The following SLC36A1 variants were observed in gnomAD, a reference collection of about 807,000 sequenced individuals.
SLC36A1 encodes the protein solute carrier family 36 member 1, also known as proton-coupled amino acid transporter 1.
Under a neutral mutation model 47.5 loss-of-function variants are expected in SLC36A1, and 30 were observed. The ratio of observed to expected loss-of-function variants is 0.63; its 90% CI spans 0.47 to 0.86. SLC36A1 has a LOEUF of 0.86. Among genes scored for constraint, SLC36A1 ranks in the 40% least tolerant of loss-of-function variants. SLC36A1 has a pLI of 0.00. For synonymous variants in SLC36A1, 255 were observed against 249.7 expected, an observed-to-expected ratio of 1.02 and a Z score of -0.20; for missense variants, 517 against 606.0, an observed-to-expected ratio of 0.85 and a Z score of 1.54.
the SLC36A1 span, among the ~76,000 whole-genome samples, chr5:151,514,278 T>C: frequency 1.3e-5 from 2 of 152,186 alleles, no homozygotes; most frequent in African/African-American, 4.8e-5. Context: ...AATGAAATCA[T>C]TTCTTTTTAT....
At chr5:151,463,986 A>G (rs1291070304) in intron 3 of SLC36A1, among the ~76,000 whole-genome samples, 1 of 152,232 alleles carries the variant, frequency 6.6e-6, no homozygotes, top group Non-Finnish European at 1.5e-5. Flanking sequence ...CCCATTTTCT[A>G]CAGTCTCCCA....
the SLC36A1 span, among the ~76,000 whole-genome samples, chr5:151,528,341 T>G: frequency 6.6e-6 from 1 of 152,198 alleles, no homozygotes; most frequent in Admixed American, 6.5e-5. Context: ...CACCATTCAC[T>G]CTTGCTAACA....
the SLC36A1 span, among the ~76,000 whole-genome samples, chr5:151,397,679 G>C: frequency 7.0e-6 from 1 of 143,752 alleles, no homozygotes; most frequent in Non-Finnish European, 1.5e-5. Context: ...CGGGAGAATC[G>C]CTTGAATCCG....
At chr5:151,508,337 A>G in the SLC36A1 span, among the ~76,000 whole-genome samples, 2 of 152,212 alleles carry the variant, frequency 1.3e-5, no homozygotes, top group Non-Finnish European at 1.5e-5. Context: ...CAGCTGTGAA[A>G]TGTCCTCCCA....
At chr5:151,465,778 C>T (rs1354801929) in intron 5 of SLC36A1, among the ~76,000 whole-genome samples, 2 of 152,210 alleles carry the variant, frequency 1.3e-5, no homozygotes, top group East Asian at 1.9e-4. Flanking sequence ...AAGAAGGCTT[C>T]AGGAGAAGGT....
upstream of SLC36A1, among the ~76,000 whole-genome samples, chr5:151,436,281 T>C (rs73796580): frequency 0.032 from 4,924 of 152,224 alleles, 263 homozygotes; most frequent in African/African-American, 0.11. Flanking sequence ...GTCTAGATTT[T>C]TGTCACCATA....
chr5:151,543,511 G>T, the SLC36A1 span: 1 of 1,614,090 alleles, frequency 6.2e-7, no homozygotes, highest in East Asian at 2.2e-5. Context: ...TTTCTGCAGA[G>T]TGGCAATCTG....
At chr5:151,437,460 G>A (rs1046460280) in intron 1 of SLC36A1, among the ~76,000 whole-genome samples, 2 of 152,108 alleles carry the variant, frequency 1.3e-5, no homozygotes, top group Non-Finnish European at 2.9e-5. Flanking sequence ...TTTTTAATCA[G>A]TGGTTTGATT....
At chr5:151,368,499 T>G in the SLC36A1 span, among the ~76,000 whole-genome samples, 1 of 152,252 alleles carries the variant, frequency 6.6e-6, no homozygotes, top group East Asian at 1.9e-4. Flanking sequence ...TCTGATCTCC[T>G]GTGCCACCAT....
chr5:151,345,613 C>G, the SLC36A1 span, among the ~76,000 whole-genome samples: 1 of 152,100 alleles, frequency 6.6e-6, no homozygotes, highest in Admixed American at 6.5e-5. Context: ...CATCGCTGAC[C>G]GAGCACTACA....
the SLC36A1 span, chr5:151,554,611 G>A: frequency 6.2e-7 from 1 of 1,614,040 alleles, no homozygotes; most frequent in Admixed American, 1.7e-5. Context: ...TGACGTCCAA[G>A]ATGCCTACCA....
At chr5:151,475,738 T>C (rs796490843) in intron 8 of SLC36A1, among the ~76,000 whole-genome samples, 1 of 152,210 alleles carries the variant, frequency 6.6e-6, no homozygotes, top group Admixed American at 6.5e-5. Context: ...AGCACAGACC[T>C]ATTGTGCCTC....
the SLC36A1 span, among the ~76,000 whole-genome samples, chr5:151,528,661 C>T: frequency 6.6e-6 from 1 of 151,930 alleles, no homozygotes; most frequent in Non-Finnish European, 1.5e-5. Flanking sequence ...ATAGGGTGCA[C>T]CATAGCAGGG....
the SLC36A1 span, among the ~76,000 whole-genome samples, chr5:151,395,903 G>A: frequency 7.9e-5 from 12 of 152,030 alleles, no homozygotes; most frequent in Non-Finnish European, 1.6e-4. Flanking sequence ...TCCACCTCCC[G>A]AGTTCAAGCA....
At chr5:151,350,163 C>T in the SLC36A1 span, among the ~76,000 whole-genome samples, 1 of 152,038 alleles carries the variant, frequency 6.6e-6, no homozygotes, top group Non-Finnish European at 1.5e-5. Flanking sequence ...GGTACCTCCT[C>T]ATAGTCTGTG....
intron 1 of SLC36A1, chr5:151,452,354 C>G (rs144566282): frequency 1.3e-5 from 2 of 152,330 alleles, no homozygotes; most frequent in East Asian, 3.9e-4. Flanking sequence ...ATTCCATCGA[C>G]AGAGAGGAGA....
At chr5:151,444,770 C>A (rs192541012), upstream of SLC36A1, among the ~76,000 whole-genome samples, 25 of 152,336 alleles carry the variant, frequency 1.6e-4, no homozygotes, top group Non-Finnish European at 3.5e-4. Context: ...CAGGCATGAG[C>A]CACTGAGCCC....
At chr5:151,418,087 C>T in the SLC36A1 span, among the ~76,000 whole-genome samples, 5 of 152,238 alleles carry the variant, frequency 3.3e-5, no homozygotes, top group African/African-American at 1.2e-4. Flanking sequence ...CCTACAGGTG[C>T]ACAGAAGTCA....
chr5:151,496,056 A>G (rs561420158), downstream of SLC36A1, among the ~76,000 whole-genome samples: 10 of 152,266 alleles, frequency 6.6e-5, no homozygotes, highest in South Asian at 1.9e-3. Context: ...TTGTATGGTG[A>G]TATGGTTTGA....
Sources: allele counts gnomAD v4.1 joint callset (sites outside exome capture counted in the v4.1 genomes callset), GRCh38; gene constraint gnomAD v4.1.1; transcripts MANE v1.5; gene names NCBI Gene and HGNC (gene_info 2026-07-23, HGNC 2026-07-21).